SEC11A: variants seen among roughly 807,000 people sequenced by gnomAD.
SEC11A encodes the protein signal peptidase complex catalytic subunit SEC11A.
A neutral mutation model predicts 25.6 loss-of-function variants in SEC11A; 14 were observed. That is an observed-to-expected ratio of 0.55 (90% confidence interval 0.36 to 0.85). The LOEUF (loss-of-function observed/expected upper bound fraction) is 0.85, where lower values mean the gene tolerates loss of function less well. SEC11A is among the 40% of genes least tolerant of loss of function. SEC11A has a pLI of 0.01. For synonymous variants in SEC11A, 83 were observed against 76.4 expected, an observed-to-expected ratio of 1.09 and a Z score of -0.45; for missense variants, 153 against 222.9, an observed-to-expected ratio of 0.69 and a Z score of 2.00.
At chr15:84,684,857 A>G (rs1421581574) in intron 3 of SEC11A, among the ~76,000 whole-genome samples, 1 of 152,162 alleles carries the variant, frequency 6.6e-6, no homozygotes, top group East Asian at 1.9e-4. Context: ...GCTTGAACCC[A>G]GAAGGCAGAG....
chr15:84,691,568 G>C lies in SEC11A; in HGVS notation c.128C>G (p.Thr43Ser). ...CACTACAATCGGACTTTCACTTCCA[G>C]TTATTACCATTAACCCCTTCCAGAT... ...LMIWKGLMVITGSESPIVVVL... is the reference protein window; with the variant it reads ...LMIWKGLMVISGSESPIVVVL... The change falls in exon 2 of 6, where the codon ACT becomes AGT. Residue 43 changes from threonine to serine, a missense_variant. By Grantham distance (58) the Thr-to-Ser change is moderately conservative (BLOSUM62 1). Coordinates refer to ENST00000268220, the MANE Select transcript of SEC11A (RefSeq NM_014300.4). 6.2e-7 allele frequency: 1 copy of C among 1,611,806 alleles called. No individual in the cohort carries two copies. Among genetic ancestry groups the C allele is most frequent in the Non-Finnish European group, 8.5e-7 (1 of 1,178,474 alleles).
intron 1 of SEC11A, 70 bp from the exon 2 acceptor site, chr15:84,691,714 A>G: frequency 1.2e-6 from 1 of 860,394 alleles, no homozygotes; most frequent in Non-Finnish European, 1.9e-6. Context: ...GAAAGCAGTA[A>G]CAATTTGAAA....
rs571824462 is a variant in SEC11A at position 84,689,880 on chromosome 15, T to C, written c.161+1655A>G. ...GCCTTGGCCTTCCAAAGTGCTGGGA[T>C]TACAGGTGTGAGCCACCACACCCAG... On this transcript the variant is annotated intron_variant, in intron 2 of 5. Coordinates refer to ENST00000268220, the MANE Select transcript of SEC11A (RefSeq NM_014300.4). Among the ~76,000 whole-genome samples the C allele has an allele frequency of 3.3e-5, 5 of 152,156 alleles. No individual in the cohort carries two copies. The East Asian group carries it at 9.6e-4, about 29-fold the overall frequency.
At chr15:84,679,217 A>C in intron 4 of SEC11A, 1 of 1,158,052 alleles carries the variant, frequency 8.6e-7, no homozygotes, top group Non-Finnish European at 1.1e-6. Flanking sequence ...GGAGAGTTTA[A>C]ATAATCACAT....
intron 1 of SEC11A, among the ~76,000 whole-genome samples, chr15:84,713,829 A>T (rs1033183041): frequency 6.6e-6 from 1 of 152,132 alleles, no homozygotes; most frequent in South Asian, 2.1e-4. Context: ...CAGGTTAAAG[A>T]TGAAGCTATT....
chr15:84,680,024 C>T, intron 4 of SEC11A: 1 of 1,140,892 alleles, frequency 8.8e-7, no homozygotes, highest in Non-Finnish European at 1.3e-6. Flanking sequence ...TCATCAATTT[C>T]AAGACTAGAA....
At chr15:84,711,760 G>C (rs1250532398) in intron 1 of SEC11A, among the ~76,000 whole-genome samples, 1 of 114,558 alleles carries the variant, frequency 8.7e-6, no homozygotes, top group Non-Finnish European at 1.7e-5. Flanking sequence ...CTGGGTGACA[G>C]AATAGAGCGA....
At chr15:84,703,213 G>A (rs894077861) in intron 1 of SEC11A, among the ~76,000 whole-genome samples, 7 of 152,056 alleles carry the variant, frequency 4.6e-5, no homozygotes. Flanking sequence ...TTGACCATGG[G>A]CCAAGTTACC....
At chr15:84,715,942 A>C in intron 1 of SEC11A, 83 bp downstream of exon 1, 1 of 1,343,636 alleles carries the variant, frequency 7.4e-7, no homozygotes, top group South Asian at 1.2e-5. Flanking sequence ...CTCACACCAG[A>C]ACCCTGGGGT....
intron 2 of SEC11A, among the ~76,000 whole-genome samples, chr15:84,688,356 GAT>G (rs1195175659): frequency 6.6e-6 from 1 of 152,164 alleles, no homozygotes; most frequent in Non-Finnish European, 1.5e-5. Flanking sequence ...AATAAGCAGA[GAT>G]TTTTGCCTAA....
intron 1 of SEC11A, among the ~76,000 whole-genome samples, chr15:84,696,825 G>C (rs16974499): frequency 0.012 from 1,788 of 152,136 alleles, 15 homozygotes; most frequent in African/African-American, 0.021. Context: ...ATTTTCAAAA[G>C]GGCTCGGTTA....
chr15:84,691,626 T>G lies in SEC11A; in HGVS notation c.70A>C (p.Asn24His), dbSNP rs1266898816. ...NKRQLYYQVL[N>H]FGMIVSSALM... Reference sequence around the variant, plus strand: ...GCCGATGAGACAATCATTCCAAAATTTAGGACTTGATAATAGAGCTGCAAG... The same window carrying G: ...GCCGATGAGACAATCATTCCAAAATGTAGGACTTGATAATAGAGCTGCAAG... The change falls in exon 2 of 6, where the codon AAT (asparagine) becomes CAT (histidine). Residue 24 changes from asparagine (N) to histidine (H), a missense_variant. Coordinates refer to ENST00000268220, the MANE Select transcript of SEC11A (RefSeq NM_014300.4). 1.2e-6 allele frequency: 2 copies of G among 1,608,480 alleles called. No individual in the cohort carries two copies. The highest frequency in any genetic ancestry group is 2.7e-5 in the African/African-American group (2 of 74,808).
chr15:84,677,043 A>T (rs942444459), intron 4 of SEC11A, among the ~76,000 whole-genome samples: 3 of 152,002 alleles, frequency 2.0e-5, no homozygotes, highest in Admixed American at 2.0e-4. Context: ...GTGAGCCATG[A>T]TTCTGCCACT....
At chr15:84,712,778 C>A (rs1044884456) in intron 1 of SEC11A, among the ~76,000 whole-genome samples, 4 of 152,078 alleles carry the variant, frequency 2.6e-5, no homozygotes, top group African/African-American at 9.7e-5. Flanking sequence ...AGAATACATA[C>A]TCTATGATTC....
chr15:84,704,100 G>A (rs1312513484), intron 1 of SEC11A, among the ~76,000 whole-genome samples: 1 of 152,104 alleles, frequency 6.6e-6, no homozygotes, highest in Non-Finnish European at 1.5e-5. Context: ...CAATCCTGAT[G>A]GCACGCTGAT....
intron 1 of SEC11A, among the ~76,000 whole-genome samples, chr15:84,709,487 G>C (rs1290899696): frequency 1.3e-5 from 2 of 152,106 alleles, no homozygotes; most frequent in African/African-American, 4.8e-5. Context: ...CTGTCACCCA[G>C]ACTGGAGTGC....
chr15:84,689,463 G>A (rs1325323774), intron 2 of SEC11A, among the ~76,000 whole-genome samples: 1 of 151,942 alleles, frequency 6.6e-6, no homozygotes, highest in Non-Finnish European at 1.5e-5. Context: ...TTAGGTTCTA[G>A]ATAATGTTAA....
chr15:84,689,576 A>C (rs1248432197), intron 2 of SEC11A, among the ~76,000 whole-genome samples: 1 of 151,452 alleles, frequency 6.6e-6, no homozygotes, highest in Non-Finnish European at 1.5e-5. Context: ...ATTAAGCCCA[A>C]AATATGACAA....
chr15:84,694,361 A>G (rs1259477395), intron 1 of SEC11A, among the ~76,000 whole-genome samples: 1 of 152,196 alleles, frequency 6.6e-6, no homozygotes, highest in African/African-American at 2.4e-5. Context: ...TCAAAAAAAA[A>G]AAGGAAGAAA....
Sources: allele counts gnomAD v4.1 joint callset (sites outside exome capture counted in the v4.1 genomes callset), GRCh38; gene constraint gnomAD v4.1.1; transcripts MANE v1.5; gene names NCBI Gene and HGNC (gene_info 2026-07-23, HGNC 2026-07-21).